TUBA1C: variants seen among roughly 807,000 people sequenced by gnomAD.
The protein encoded by TUBA1C is tubulin alpha-1C chain.
TUBA1C carries 16 observed loss-of-function variants against 34.9 expected under a neutral mutation model. The observed-to-expected ratio is 0.46, with a 90% confidence interval of 0.31 to 0.70. TUBA1C has a LOEUF of 0.70. Ranked by LOEUF, TUBA1C falls within the 30% of genes least tolerant of loss-of-function variation. TUBA1C has a pLI of 0.05. For missense variants in TUBA1C, 329 were observed against 587.3 expected, an observed-to-expected ratio of 0.56 and a Z score of 4.55; for synonymous variants, 177 against 215.9, an observed-to-expected ratio of 0.82 and a Z score of 1.58.
At chr12:49,247,871 G>A (rs894691624) in intron 1 of TUBA1C, among the ~76,000 whole-genome samples, 2 of 146,686 alleles carry the variant, frequency 1.4e-5, no homozygotes, top group East Asian at 2.0e-4. Flanking sequence ...TTGCTTGACC[G>A]CAGGAGGCAG....
At chr12:49,246,623 G>A (rs1341026512) in intron 1 of TUBA1C, among the ~76,000 whole-genome samples, 3 of 151,264 alleles carry the variant, frequency 2.0e-5, no homozygotes, top group Non-Finnish European at 2.9e-5. Context: ...TGCAGTGAGC[G>A]GAGATCGCAC....
chr12:49,235,863 G>T (rs868316914), intron 1 of TUBA1C, among the ~76,000 whole-genome samples: 1 of 152,180 alleles, frequency 6.6e-6, no homozygotes, highest in Non-Finnish European at 1.5e-5. Flanking sequence ...TACATTGCTG[G>T]TCTCTGAGGA....
rs148205742 is a variant in TUBA1C at position 49,241,005 on chromosome 12, G to A, written c.213+12839G>A. Among the ~76,000 whole-genome samples the A allele has an allele frequency of 5.1e-4, 77 of 152,110 alleles. No homozygotes were observed. The East Asian group carries it at 8.1e-3, about 16-fold the overall frequency. ...TAATCTCTGCCTCCTGGGTTCAAGC[G>A]ATTCTCCCGCCTCAGCCTCCCAAGT... On this transcript the variant is annotated intron_variant, in intron 1 of 3. Transcript: ENST00000541364.
intron 1 of TUBA1C, among the ~76,000 whole-genome samples, chr12:49,240,826 G>A (rs548597774): frequency 7.9e-5 from 12 of 152,132 alleles, no homozygotes; most frequent in Admixed American, 2.0e-4. Context: ...GAACTCCTGG[G>A]TTCAAGCGGT....
rs1043503859 is a variant in TUBA1C, at chr12:49,243,979, G to T, written c.213+15813G>T. Among the ~76,000 whole-genome samples the T allele has an allele frequency of 2.0e-5, 3 of 151,796 alleles. No individual in the cohort carries two copies. In the East Asian group the frequency reaches 5.8e-4, roughly 29 times the overall value. ...AGTCTGGGCCACACAGCGAGATCCC[G>T]TATCTACAAATAATTTAAAAATTAC... On this transcript the variant is annotated intron_variant, in intron 1 of 3. Transcript: ENST00000541364.
chr12:49,267,071 AC>A (rs1271227714), intron 1 of TUBA1C, among the ~76,000 whole-genome samples: 3 of 152,190 alleles, frequency 2.0e-5, no homozygotes, highest in African/African-American at 7.2e-5. Flanking sequence ...TCCAGTTAAC[AC>A]TAGACCAATT....
chr12:49,243,346 C>T (rs1471930039), intron 1 of TUBA1C, among the ~76,000 whole-genome samples: 2 of 151,972 alleles, frequency 1.3e-5, no homozygotes, highest in East Asian at 1.9e-4. Context: ...CAAGCTAAGG[C>T]GGGAGAATTG....
upstream of TUBA1C, among the ~76,000 whole-genome samples, chr12:49,262,278 A>C (rs191552275): frequency 9.3e-4 from 140 of 151,270 alleles, no homozygotes; most frequent in African/African-American, 3.3e-3. Context: ...TTAGCCAGGC[A>C]TGGTAGCACA....
At chr12:49,264,955 G>A (rs1031926989), upstream of TUBA1C, 1 of 491,124 alleles carries the variant, frequency 2.0e-6, no homozygotes, top group Non-Finnish European at 3.2e-6. Context: ...CTCCGCGGGT[G>A]CGGCCGGGCG....
At chr12:49,257,688 A>G (rs1592281908) in intron 1 of TUBA1C, among the ~76,000 whole-genome samples, 1 of 152,078 alleles carries the variant, frequency 6.6e-6, no homozygotes, top group East Asian at 1.9e-4. Flanking sequence ...CTAAGGCGAG[A>G]GGATTGCTTG....
intron 1 of TUBA1C, among the ~76,000 whole-genome samples, chr12:49,229,696 T>TGC (rs1555165267): frequency 6.6e-5 from 10 of 151,724 alleles, no homozygotes; most frequent in East Asian, 5.8e-4. Context: ...TGTGTGTGTG[T>TGC]GCACATCACA....
At chr12:49,228,440 G>A (rs1166085091) in intron 1 of TUBA1C, among the ~76,000 whole-genome samples, 1 of 152,052 alleles carries the variant, frequency 6.6e-6, no homozygotes, top group Non-Finnish European at 1.5e-5. Context: ...TTATATTTTT[G>A]TCTTATACTT....
At chr12:49,238,668 T>G (rs1477098614) in intron 1 of TUBA1C, among the ~76,000 whole-genome samples, 1 of 152,202 alleles carries the variant, frequency 6.6e-6, no homozygotes, top group African/African-American at 2.4e-5. Context: ...ATTTTTTTGC[T>G]TATTTTTATA....
At chr12:49,229,882 G>A (rs1429744178) in intron 1 of TUBA1C, among the ~76,000 whole-genome samples, 1 of 152,010 alleles carries the variant, frequency 6.6e-6, no homozygotes, top group African/African-American at 2.4e-5. Flanking sequence ...CTGCCTCCTG[G>A]GTTCAAGCGA....
intron 1 of TUBA1C, among the ~76,000 whole-genome samples, chr12:49,241,945 C>T (rs893359137): frequency 6.6e-6 from 1 of 151,670 alleles, no homozygotes; most frequent in African/African-American, 2.4e-5. Flanking sequence ...CCACTGTGCC[C>T]AGCCTTTATA....
chr12:49,272,603 G>T lies in TUBA1C; in HGVS notation c.726G>T (p.Leu242=). The change falls in exon 4 of 4, where the codon CTG becomes CTT. Residue 242 remains leucine, a synonymous_variant. Coordinates refer to ENST00000301072, the MANE Select transcript of TUBA1C (RefSeq NM_032704.5). ...TTGTGTCCTCCATCACTGCTTCCCT[G>T]AGATTTGATGGAGCCCTGAATGTTG... ...SQIVSSITAS[L]RFDGALNVDL... is the part of the protein sequence containing the mutation. The T allele has an allele frequency of 6.2e-7, 1 of 1,608,058 alleles. No homozygotes were observed. Among genetic ancestry groups the T allele is most frequent in the Non-Finnish European group, 8.5e-7 (1 of 1,177,708 alleles).
At chr12:49,247,968 GAAAGAA>G in intron 1 of TUBA1C, among the ~76,000 whole-genome samples, 1 of 145,610 alleles carries the variant, frequency 6.9e-6, no homozygotes, top group African/African-American at 2.5e-5. Flanking sequence ...AAAAAAGAGA[GAAAGAA>G]AGAAAGAAAA....
intron 1 of TUBA1C, among the ~76,000 whole-genome samples, chr12:49,228,919 C>T (rs1942466456): frequency 6.6e-6 from 1 of 152,186 alleles, no homozygotes. Flanking sequence ...TTTGAGAAAC[C>T]AGCCCAAGGT....
At chr12:49,239,661 GA>G (rs1942591837) in intron 1 of TUBA1C, among the ~76,000 whole-genome samples, 1 of 149,410 alleles carries the variant, frequency 6.7e-6, no homozygotes, top group African/African-American at 2.5e-5. Context: ...AAAAAAAAAA[GA>G]AATAAATTGC....
Sources: gnomAD v4.1 joint callset for allele counts (sites outside exome capture counted in the v4.1 genomes callset) on GRCh38, gnomAD v4.1.1 for gene constraint, MANE v1.5 for transcripts, NCBI Gene and HGNC (gene_info 2026-07-23, HGNC 2026-07-21) for gene names.